Variants in BICDL2 observed in about 807,000 individuals in gnomAD.
BICDL2 encodes BICD family-like cargo adapter 2.
In BICDL2, 62 loss-of-function variants were observed where a neutral mutation model predicts 56.6. The observed-to-expected ratio is 1.10, with a 90% CI of 0.89 to 1.35. The LOEUF (loss-of-function observed/expected upper bound fraction) is 1.35, where lower values mean the gene tolerates loss of function less well. Ranked by LOEUF, BICDL2 falls within the 40% of genes most tolerant of loss-of-function variation. BICDL2 has a pLI of 0.00. For synonymous variants in BICDL2, 358 were observed against 319.8 expected, an observed-to-expected ratio of 1.12 and a Z score of -1.27; for missense variants, 808 against 684.5, an observed-to-expected ratio of 1.18 and a Z score of -2.01.
rs765568567 is a variant in BICDL2 at position 3,028,142 on chromosome 16, G to A, written c.1491C>T (p.Ala497=). Residue 497 remains alanine (A), a synonymous_variant, in exon 10 of 10, where the codon GCC becomes GCT. Coordinates refer to ENST00000572449, the MANE Select transcript of BICDL2 (RefSeq NM_001369667.1). The part of the protein sequence containing the change: ...RFSLRLGPGP[A]GGFLSNLFRR... ...GGAAGAGGTTACTGAGAAAGCCACCGGCGGGCCCGGGGCCCAGGCGCAGCG... is the reference window on the plus strand; with the variant it reads ...GGAAGAGGTTACTGAGAAAGCCACCAGCGGGCCCGGGGCCCAGGCGCAGCG... The A allele has an allele frequency of 2.7e-5, 39 of 1,441,496 alleles. No homozygotes were observed. The East Asian group carries it at 7.1e-4, about 26-fold the overall frequency. The allele number at this position is 1,441,496 out of a possible 1,614,324, so 89.3% of individuals were successfully genotyped here. A position where few individuals can be genotyped will look rare whatever the true frequency, so the allele number is the denominator to read the frequency against.
chr16:3,033,150 C>G (rs1040190025), intron 2 of BICDL2: 1 of 151,992 alleles, frequency 6.6e-6, no homozygotes, highest in Admixed American at 6.6e-5. Context: ...ACTAAAAATA[C>G]AAAAATTAGC....
Position 3,030,813 on chromosome 16 carries a change from C to T in BICDL2, c.499-1G>A, listed in dbSNP as rs1186017678. On this transcript the variant is annotated splice_acceptor_variant, in intron 3 of 9. Transcript: ENST00000572449. LOFTEE classifies it high-confidence loss of function. The stretch of plus-strand genomic sequence containing the variant: ...GAAGTTCCTGCTCAGTCTGGGAGGC[C>T]TGGGGAGGTGGAAAGAGGGACAGAG... 1 of 1,605,216 alleles carries T rather than the reference C, an allele frequency of 6.2e-7. No individual in the cohort carries two copies. Among genetic ancestry groups the T allele is most frequent in the African/African-American group, 1.3e-5 (1 of 74,958 alleles).
intron 7 of BICDL2, 54 bp downstream of exon 7, chr16:3,029,226 C>T: frequency 6.3e-7 from 1 of 1,577,570 alleles, no homozygotes; most frequent in Non-Finnish European, 8.6e-7. Flanking sequence ...ACATGGGAGA[C>T]AGAAACTGAC....
chr16:3,034,712 T>A (rs1955705919), intron 2 of BICDL2, among the ~76,000 whole-genome samples: 1 of 128,006 alleles, frequency 7.8e-6, no homozygotes, highest in Non-Finnish European at 1.7e-5. Context: ...CCTTCCTTCC[T>A]TTTTTTTTTT....
rs779250370 is a variant in BICDL2 at position 3,035,328 on chromosome 16, T to C, written c.169A>G (p.Lys57Glu). The stretch of plus-strand genomic sequence containing the variant: ...GCGGCCAACAGCAGGTCTTTCTCCT[T>C]CTGCTGCAGCTGCAAGGCTAGGTCC... The part of the protein sequence containing the change: ...PEDLALQLQQ[K>E]EKDLLLAAEL... Residue 57 changes from lysine (K) to glutamate (E), a missense_variant, in exon 2 of 10, where the codon AAG becomes GAG. Physicochemically the swap from Lys to Glu is moderately conservative, Grantham distance 56 (BLOSUM62 1). Coordinates refer to ENST00000572449, the MANE Select transcript of BICDL2 (RefSeq NM_001369667.1). 2.5e-6 allele frequency: 4 copies of C among 1,588,336 alleles called. No individual in the cohort carries two copies. In the Admixed American group the frequency reaches 7.1e-5, roughly 28 times the overall value.
rs1356559898 is a variant in BICDL2 at position 3,029,690 on chromosome 16, C to T, written c.812G>A (p.Arg271Lys). ...CAGCTCGGAGACGCGCCGCTGCAGC[C>T]TCCGCAGCGCACTCAGCGCCTCCCC... ...EAGEALSALR[R>K]LQRRVSELEE... The change falls in exon 6 of 10, where the codon AGG becomes AAG. Residue 271 changes from arginine (R) to lysine (K), a missense_variant. Coordinates refer to ENST00000572449, the MANE Select transcript of BICDL2 (RefSeq NM_001369667.1). The T allele has an allele frequency of 6.5e-7, 1 of 1,541,098 alleles. No homozygotes were observed. The highest frequency in any genetic ancestry group is 8.7e-7 in the Non-Finnish European group (1 of 1,149,902).
rs1314569095 is a variant in BICDL2 at position 3,028,714 on chromosome 16, G to A, written c.1224C>T (p.Asp408=). The A allele has an allele frequency of 7.0e-6, 11 of 1,568,920 alleles. No homozygotes were observed. The highest frequency in any genetic ancestry group is 5.6e-5 in the Admixed American group (3 of 53,174). ...TTGAGGCTTACTTGTTCACGGCCTCGTCCCGGTCTGAGAGGGCACTGTGCA... is the reference window on the plus strand; with the variant it reads ...TTGAGGCTTACTTGTTCACGGCCTCATCCCGGTCTGAGAGGGCACTGTGCA... ...EALHSALSDR[D]EAVNKALELS... is the part of the protein sequence containing the mutation. Residue 408 remains aspartate, a synonymous_variant, in exon 8 of 10, where the codon GAC becomes GAT. Transcript: ENST00000572449.
In BICDL2 at chr16:3,028,430, A is replaced by T; in HGVS notation, c.1277T>A (p.Leu426Gln). 6.4e-7 allele frequency: 1 copy of T among 1,562,070 alleles called. No individual in the cohort carries two copies. The highest frequency in any genetic ancestry group is 8.6e-7 in the Non-Finnish European group (1 of 1,162,770). Residue 426 changes from leucine (L) to glutamine (Q), a missense_variant, in exon 9 of 10, where the codon CTG (leucine) becomes CAG (glutamine). By Grantham distance (113) the Leu-to-Gln change is moderately radical. Coordinates refer to ENST00000572449, the MANE Select transcript of BICDL2 (RefSeq NM_001369667.1). ...CTCCCGAGACAGGGAGTCTCGCTCCAGCGAGACGCGGTTGAGCTGCAGGGA... is the reference window on the plus strand; with the variant it reads ...CTCCCGAGACAGGGAGTCTCGCTCCTGCGAGACGCGGTTGAGCTGCAGGGA... ...ELSLQLNRVS[L>Q]ERDSLSRELL...
rs888004868 is a variant in BICDL2 at position 3,028,292 on chromosome 16, G to T, written c.1360-19C>A. On this transcript the variant is annotated intron_variant, in intron 9 of 9. Transcript: ENST00000572449. ...TGTCGTCCTGCGGGAGGCCGTGGTC[G>T]GCTCAGCGCCGGTCCCGCCCCTTGC... 3 of 1,494,614 alleles carry T rather than the reference G, an allele frequency of 2.0e-6. No individual in the cohort carries two copies. The highest frequency in any genetic ancestry group is 2.6e-6 in the Non-Finnish European group (3 of 1,135,278). 92.6% of individuals were successfully genotyped at this position (1,494,614 alleles called of 1,614,324 possible). A position where few individuals can be genotyped will look rare whatever the true frequency, so the allele number is the denominator to read the frequency against.
rs752477848 is a variant in BICDL2, at chr16:3,030,832, G to T, written c.499-20C>A. The T allele has an allele frequency of 5.0e-6, 8 of 1,590,958 alleles. No homozygotes were observed. The highest frequency in any genetic ancestry group is 6.8e-6 in the Non-Finnish European group (8 of 1,170,726). On this transcript the variant is annotated intron_variant, in intron 3 of 9. Transcript: ENST00000572449. ...GGAGGCCTGGGGAGGTGGAAAGAGG[G>T]ACAGAGGAGCCTCAGCACCAAGCCC...
chr16:3,032,082 C>T (rs1165355090), intron 2 of BICDL2: 2 of 152,252 alleles, frequency 1.3e-5, no homozygotes, highest in African/African-American at 2.4e-5. Context: ...CTGGCGTGCG[C>T]CACCCTGCCC....
At chr16:3,031,658 A>G (rs1955657999) in intron 2 of BICDL2, 2 of 402,408 alleles carry the variant, frequency 5.0e-6, no homozygotes, top group Non-Finnish European at 4.4e-6. Flanking sequence ...GCACACCCAG[A>G]TGCCCAGCGT....
chr16:3,032,670 G>A (rs754971472), intron 2 of BICDL2: 14 of 152,242 alleles, frequency 9.2e-5, no homozygotes, highest in Non-Finnish European at 1.6e-4. Context: ...GACTTCTGCA[G>A]GACAAGAAGA....
In BICDL2 at chr16:3,028,041, C is replaced by T; in HGVS notation, c.*65G>A. On this transcript the variant is annotated 3_prime_UTR_variant, in exon 10 of 10. Transcript: ENST00000572449. ...TTGGAAGACAATCTGGGCCCTGTCG[C>T]TCCATTGGCCTGAAGAGGAAAGTGA... is the stretch of plus-strand genomic sequence containing the variant. 7.2e-7 allele frequency: 1 copy of T among 1,388,944 alleles called. No homozygotes were observed. The highest frequency in any genetic ancestry group is 1.7e-5 in the South Asian group (1 of 58,554). 86.0% of individuals were successfully genotyped at this position (1,388,944 alleles called of 1,614,324 possible). A position where few individuals can be genotyped will look rare whatever the true frequency, so the allele number is the denominator to read the frequency against.
intron 2 of BICDL2, among the ~76,000 whole-genome samples, chr16:3,033,331 A>G (rs1327485451): frequency 6.6e-6 from 1 of 152,054 alleles, no homozygotes; most frequent in African/African-American, 2.4e-5. Flanking sequence ...AAAGAGTGGA[A>G]GCTGGGGACT....
chr16:3,034,808 G>C lies in BICDL2; in HGVS notation c.282+407C>G, dbSNP rs181062289. Reference sequence around the variant, plus strand: ...GCAGCCTCAAACTCTAAAATTCCTGGGCTCAATTGATCCCCCTGCCTCGGC... The same window carrying C: ...GCAGCCTCAAACTCTAAAATTCCTGCGCTCAATTGATCCCCCTGCCTCGGC... On this transcript the variant is annotated intron_variant, in intron 2 of 9. Coordinates refer to ENST00000572449, the MANE Select transcript of BICDL2 (RefSeq NM_001369667.1). 2.8e-4 allele frequency: 49 copies of C among 173,618 alleles called. No individual in the cohort carries two copies. The East Asian group carries it at 6.9e-3, about 24-fold the overall frequency. 10.8% of individuals were successfully genotyped at this position (173,618 alleles called of 1,614,324 possible).
rs1386299538 is a variant in BICDL2 at position 3,028,375 on chromosome 16, C to T, written c.1332G>A (p.Ala444=). ...GCCAGGCCTCCAGCTCCTGCGTGAG[C>T]GCCACCTTCTGGCGGATGGCGCGCA... ...ELLRAIRQKV[A]LTQELEAWQD... Residue 444 remains alanine (A), a synonymous_variant, in exon 9 of 10, where the codon GCG becomes GCA. Coordinates refer to ENST00000572449, the MANE Select transcript of BICDL2 (RefSeq NM_001369667.1). 2 of 1,550,348 alleles carry T rather than the reference C, an allele frequency of 1.3e-6. No individual in the cohort carries two copies. Among genetic ancestry groups the T allele is most frequent in the Admixed American group, 1.9e-5 (1 of 52,878 alleles).
At chr16:3,035,177 G>GCCCCCCCTC in intron 2 of BICDL2, 38 bp downstream of exon 2, 1 of 118,826 alleles carries the variant, frequency 8.4e-6, no homozygotes, top group Non-Finnish European at 1.6e-5. Flanking sequence ...GTCCTCCCCT[G>GCCCCCCCTC]CCCACCCACC....
chr16:3,034,040 C>G (rs563259446), intron 2 of BICDL2, among the ~76,000 whole-genome samples: 2 of 152,200 alleles, frequency 1.3e-5, no homozygotes, highest in East Asian at 3.9e-4. Flanking sequence ...CAGATGTGAG[C>G]CCCAGAGCAA....
Sources: allele counts gnomAD v4.1 joint callset (sites outside exome capture counted in the v4.1 genomes callset), GRCh38; gene constraint gnomAD v4.1.1; transcripts MANE v1.5; gene names NCBI Gene and HGNC (gene_info 2026-07-23, HGNC 2026-07-21).